Variants in CTNND2 observed in about 807,000 individuals in gnomAD.
The protein encoded by CTNND2 is catenin delta 2.
A neutral mutation model predicts 144.4 loss-of-function variants in CTNND2; 22 were observed. The ratio of observed to expected loss-of-function variants is 0.15; its 90% CI spans 0.11 to 0.22. CTNND2 has a LOEUF of 0.22. Ranked by LOEUF, CTNND2 falls within the 10% of genes least tolerant of loss-of-function variation. CTNND2 has a pLI of 1.00. For missense variants in CTNND2, 1,353 were observed against 1,618.8 expected, an observed-to-expected ratio of 0.84 and a Z score of 2.82; for synonymous variants, 751 against 695.6, an observed-to-expected ratio of 1.08 and a Z score of -1.25.
chr5:11,808,237 T>G (rs1792118996), intron 1 of CTNND2, among the ~76,000 whole-genome samples: 1 of 152,186 alleles, frequency 6.6e-6, no homozygotes, highest in South Asian at 2.1e-4. Context: ...CTAAACATAC[T>G]TTATTCACTT....
chr5:11,372,833 CT>C (rs1279884226), intron 7 of CTNND2, among the ~76,000 whole-genome samples: 10 of 152,182 alleles, frequency 6.6e-5, no homozygotes. Context: ...ACGGACCACC[CT>C]TTGAGAAGCC....
intron 1 of CTNND2, among the ~76,000 whole-genome samples, chr5:11,800,586 G>A (rs1214634132): frequency 1.3e-5 from 2 of 152,116 alleles, no homozygotes; most frequent in Admixed American, 6.5e-5. Context: ...TGAGCACCAA[G>A]TGATGAAGGA....
chr5:11,082,894 T>C, intron 15 of CTNND2, 48 bp from the exon 16 acceptor site: 6 of 1,598,658 alleles, frequency 3.8e-6, no homozygotes, highest in Non-Finnish European at 5.1e-6. Flanking sequence ...GAAGAAACCC[T>C]GCATGCAAAT....
chr5:11,431,539 C>A (rs1481058129), intron 3 of CTNND2, among the ~76,000 whole-genome samples: 1 of 152,200 alleles, frequency 6.6e-6, no homozygotes, highest in Non-Finnish European at 1.5e-5. Flanking sequence ...AGATTCCCTT[C>A]ATATGACCGA....
chr5:11,523,073 T>C (rs1772902505), intron 3 of CTNND2, among the ~76,000 whole-genome samples: 1 of 152,186 alleles, frequency 6.6e-6, no homozygotes, highest in South Asian at 2.1e-4. Flanking sequence ...ATGCAAGTTT[T>C]TCTACAAAAG....
intron 3 of CTNND2, among the ~76,000 whole-genome samples, chr5:11,442,475 T>C (rs1764350891): frequency 6.6e-6 from 1 of 152,178 alleles, no homozygotes; most frequent in Non-Finnish European, 1.5e-5. Context: ...TGAAACATTT[T>C]ATACAATCAC....
At chr5:11,676,683 T>C (rs1310033416) in intron 2 of CTNND2, among the ~76,000 whole-genome samples, 1 of 152,184 alleles carries the variant, frequency 6.6e-6, no homozygotes, top group East Asian at 1.9e-4. Context: ...TGGTTTGTGA[T>C]ACATGTTATC....
intron 2 of CTNND2, among the ~76,000 whole-genome samples, chr5:11,670,675 A>T (rs1783834360): frequency 7.5e-6 from 1 of 133,910 alleles, no homozygotes; most frequent in Non-Finnish European, 1.5e-5. Context: ...GTGTCTTTCC[A>T]TATGAGATGG....
At chr5:11,118,093 T>A (rs1753744384) in intron 12 of CTNND2, among the ~76,000 whole-genome samples, 1 of 152,244 alleles carries the variant, frequency 6.6e-6, no homozygotes, top group Non-Finnish European at 1.5e-5. Flanking sequence ...ATGTGCATGA[T>A]ACCTCTTATG....
chr5:10,974,980 C>T lies in CTNND2; in HGVS notation c.3418-1267G>A, dbSNP rs548627801. 5.6e-4 allele frequency among the ~76,000 whole-genome samples: 86 copies of T among 152,228 alleles called. No individual in the cohort carries two copies. In the South Asian group the frequency reaches 8.1e-3, roughly 14 times the overall value. ...CACAGCAGCTGTCTAGGATGTCCCA[C>T]GTGTCTAGTTAGTGGTAGCTGAATG... On this transcript the variant is annotated intron_variant, in intron 21 of 21. Coordinates refer to ENST00000304623, the MANE Select transcript of CTNND2 (RefSeq NM_001332.4).
intron 2 of CTNND2, among the ~76,000 whole-genome samples, chr5:11,670,518 T>A (rs2126598326): frequency 6.6e-6 from 1 of 152,348 alleles, no homozygotes; most frequent in Admixed American, 6.5e-5. Flanking sequence ...CTCCTTTGTC[T>A]CTTTTGATCT....
intron 2 of CTNND2, among the ~76,000 whole-genome samples, chr5:11,618,984 G>T (rs1207123237): frequency 6.6e-6 from 1 of 152,056 alleles, no homozygotes. Context: ...GTGAATTCAA[G>T]AAATATATTT....
At chr5:11,739,904 CAGAG>C (rs1313767586) in intron 1 of CTNND2, among the ~76,000 whole-genome samples, 1 of 152,056 alleles carries the variant, frequency 6.6e-6, no homozygotes, top group Non-Finnish European at 1.5e-5. Context: ...CAATAGAAGA[CAGAG>C]AGCCAGATGA....
chr5:11,582,749 A>G (rs1162530589), intron 2 of CTNND2, among the ~76,000 whole-genome samples: 1 of 152,204 alleles, frequency 6.6e-6, no homozygotes, highest in African/African-American at 2.4e-5. Context: ...CACTTCATAG[A>G]CAGCATCATA....
chr5:11,508,338 G>C (rs1771278923), intron 3 of CTNND2: 2 of 152,158 alleles, frequency 1.3e-5, no homozygotes, highest in South Asian at 4.1e-4. Context: ...TTCCCTTGCT[G>C]TTCTGATGAT....
At chr5:11,622,407 T>TAA (rs1780893193) in intron 2 of CTNND2, among the ~76,000 whole-genome samples, 1 of 152,140 alleles carries the variant, frequency 6.6e-6, no homozygotes, top group African/African-American at 2.4e-5. Flanking sequence ...CAACTACATA[T>TAA]AATAGGTTTT....
chr5:11,609,384 T>C (rs989275184), intron 2 of CTNND2, among the ~76,000 whole-genome samples: 1 of 152,118 alleles, frequency 6.6e-6, no homozygotes, highest in Admixed American at 6.6e-5. Context: ...CAGCTTTTGG[T>C]TTCTAGTGAA....
chr5:11,771,330 G>C (rs1789923356), intron 1 of CTNND2, among the ~76,000 whole-genome samples: 1 of 151,802 alleles, frequency 6.6e-6, no homozygotes, highest in Admixed American at 6.6e-5. Context: ...CACCATGTTG[G>C]TCAGGCTGCC....
At position 11,346,443 on chromosome 5, in the gene CTNND2, G is replaced by T. The variant is rs751731116; in HGVS notation, c.1557C>A (p.Ser519=). The T allele has an allele frequency of 5.1e-6, 8 of 1,566,726 alleles. No homozygotes were observed. The highest frequency in any genetic ancestry group is 1.4e-5 in the African/African-American group (1 of 72,884). ...CPSVESPYSK[S]GPALPPEGTL... ...TGCCTTCAGGCGGGAGAGCAGGGCC[G>T]GATTTGCTGTATGGAGACTCAACAG... is the stretch of plus-strand genomic sequence containing the variant. Residue 519 remains serine, a synonymous_variant, in exon 9 of 22, where the codon TCC becomes TCA. Transcript: ENST00000304623.
Sources: allele counts gnomAD v4.1 joint callset (sites outside exome capture counted in the v4.1 genomes callset), GRCh38; gene constraint gnomAD v4.1.1; transcripts MANE v1.5; gene names NCBI Gene and HGNC (gene_info 2026-07-23, HGNC 2026-07-21).